Variants in PLEKHM1 observed in about 807,000 individuals in gnomAD.
The protein encoded by PLEKHM1 is pleckstrin homology domain-containing family M member 1.
PLEKHM1 carries 28 observed loss-of-function variants against 94.3 expected under a neutral mutation model. The observed-to-expected ratio is 0.30, with a 90% confidence interval of 0.22 to 0.41. The LOEUF is 0.41. Ranked by LOEUF, PLEKHM1 falls within the 10% of genes least tolerant of loss-of-function variation. The pLI is 1.00. For synonymous variants in PLEKHM1, 424 were observed against 581.2 expected, an observed-to-expected ratio of 0.73 and a Z score of 3.89; for missense variants, 907 against 1,358.6, an observed-to-expected ratio of 0.67 and a Z score of 5.22.
At chr17:45,472,764 C>T (rs1187826869) in intron 4 of PLEKHM1, among the ~76,000 whole-genome samples, 2 of 152,212 alleles carry the variant, frequency 1.3e-5, no homozygotes, top group East Asian at 3.8e-4. Context: ...CCTTCCTGGG[C>T]TTGTAAGTGG....
At chr17:45,435,880 GA>G (rs1400701302), downstream of PLEKHM1, 12 of 443,612 alleles carry the variant, frequency 2.7e-5, 1 homozygote, top group Admixed American at 2.6e-4. Context: ...GGCAGTGTTA[GA>G]ATTCAGAAGC....
At chr17:45,440,060 T>C (rs774798216) in intron 10 of PLEKHM1, 103 bp downstream of exon 10, 8 of 1,116,150 alleles carry the variant, frequency 7.2e-6, no homozygotes, top group Non-Finnish European at 1.1e-5. Flanking sequence ...ACTGCTGTCT[T>C]CTTCAGTAAA....
At chr17:45,482,634 A>G (rs1408833199) in intron 1 of PLEKHM1, 109 bp from the exon 2 acceptor site, 1 of 710,444 alleles carries the variant, frequency 1.4e-6, no homozygotes, top group Non-Finnish European at 2.6e-6. Context: ...AACTGCAACC[A>G]AAAAGGCCTT....
intron 5 of PLEKHM1, among the ~76,000 whole-genome samples, chr17:45,461,583 GTTA>G (rs2051153289): frequency 6.6e-6 from 1 of 152,254 alleles, no homozygotes; most frequent in African/African-American, 2.4e-5. Flanking sequence ...AGGAAGGGGT[GTTA>G]TTATTTTGCA....
At chr17:45,466,642 T>C (rs971807633) in intron 5 of PLEKHM1, among the ~76,000 whole-genome samples, 2 of 151,900 alleles carry the variant, frequency 1.3e-5, no homozygotes, top group Non-Finnish European at 2.9e-5. Context: ...AATAAGCAAA[T>C]GAAAAGGTAT....
chr17:45,476,632 A>G (rs1191594020), intron 3 of PLEKHM1, among the ~76,000 whole-genome samples: 1 of 152,176 alleles, frequency 6.6e-6, no homozygotes, highest in Non-Finnish European at 1.5e-5. Context: ...ATCAGTCTCC[A>G]GGCTAGCATC....
At chr17:45,449,641 C>T (rs1597929528) in intron 8 of PLEKHM1, among the ~76,000 whole-genome samples, 5 of 150,162 alleles carry the variant, frequency 3.3e-5, no homozygotes, top group East Asian at 3.9e-4. Context: ...TACCTACCTA[C>T]CCATCCACCT....
Position 45,453,292 on chromosome 17 carries a change from A to G in PLEKHM1, c.2497+63T>C, listed in dbSNP as rs1343623565. On this transcript the variant is annotated intron_variant, in intron 7 of 11. Transcript: ENST00000430334. This position sits in a 1 kb window ranked among gnomAD's most constrained non-coding sequence, Gnocchi z 4.1. ...GGCAGAAGGGTGGGGAGCCTAAATC[A>G]GGAACCAGCAGGAGGTGGAGTGAGG... is the stretch of plus-strand genomic sequence containing the variant. 1 of 1,558,464 alleles carries G rather than the reference A, an allele frequency of 6.4e-7. No homozygotes were observed. The highest frequency in any genetic ancestry group is 8.7e-7 in the Non-Finnish European group (1 of 1,146,186).
intron 1 of PLEKHM1, among the ~76,000 whole-genome samples, chr17:45,486,875 T>C (rs1314004467): frequency 6.6e-6 from 1 of 152,150 alleles, no homozygotes; most frequent in African/African-American, 2.4e-5. Context: ...ACGGCGGGAA[T>C]CAGAAGGAGG....
chr17:45,465,516 C>CA, intron 5 of PLEKHM1, among the ~76,000 whole-genome samples: 1 of 151,882 alleles, frequency 6.6e-6, no homozygotes, highest in South Asian at 2.1e-4. Flanking sequence ...TGAGACCAGC[C>CA]TGGTCAACAT....
At chr17:45,452,950 A>T (rs2050815322) in intron 7 of PLEKHM1, 1 of 347,500 alleles carries the variant, frequency 2.9e-6, no homozygotes, top group Non-Finnish European at 5.5e-6. Flanking sequence ...GCACGAGCCC[A>T]TTTTTATAAT....
intron 4 of PLEKHM1, among the ~76,000 whole-genome samples, chr17:45,473,335 T>C (rs1396164132): frequency 6.6e-6 from 1 of 151,870 alleles, no homozygotes; most frequent in Non-Finnish European, 1.5e-5. Context: ...ACGCCTGTAA[T>C]CCCCAGCAAT....
At position 45,437,418 on chromosome 17, in the gene PLEKHM1, G is replaced by C. The variant is rs1481796157; in HGVS notation, c.*440C>G. 8.8e-6 allele frequency: 4 copies of C among 455,508 alleles called. No individual in the cohort carries two copies. The highest frequency in any genetic ancestry group is 7.0e-5 in the Admixed American group (3 of 42,612). 28.2% of individuals were successfully genotyped at this position (455,508 alleles called of 1,614,324 possible). ...TGGATTTCATGGGTGACTCACGTAG[G>C]GTCAAGAATAAAAAAATACTTTCTG... is the stretch of plus-strand genomic sequence containing the variant. On this transcript the variant is annotated 3_prime_UTR_variant, in exon 12 of 12. Transcript: ENST00000430334. This position sits in a 1 kb window ranked among gnomAD's most constrained non-coding sequence, Gnocchi z 4.0.
Position 45,437,563 on chromosome 17 carries a change from C to G in PLEKHM1, c.*295G>C, listed in dbSNP as rs1167726523. 1.6e-6 allele frequency: 1 copy of G among 629,118 alleles called. No individual in the cohort carries two copies. The highest frequency in any genetic ancestry group is 2.1e-5 in the Admixed American group (1 of 47,766). 39.0% of individuals were successfully genotyped at this position (629,118 alleles called of 1,614,324 possible). On this transcript the variant is annotated 3_prime_UTR_variant, in exon 12 of 12. Coordinates refer to ENST00000430334, the MANE Select transcript of PLEKHM1 (RefSeq NM_014798.3). The surrounding 1 kb of genome is among the most constrained non-coding windows in gnomAD (Gnocchi z 4.0). ...TGTTTGGGCAGCCCTAACGGAGGCG[C>G]CGGGACGCTGGTGAGCCAGGGCCTG... is the stretch of plus-strand genomic sequence containing the variant.
chr17:45,450,837 A>C, intron 7 of PLEKHM1, 74 bp from the exon 8 acceptor site: 1 of 899,540 alleles, frequency 1.1e-6, no homozygotes, highest in Non-Finnish European at 1.8e-6. Context: ...CTGTGGTGGA[A>C]AGGATCTGCT....
chr17:45,448,718 C>T (rs1021488706), intron 8 of PLEKHM1, among the ~76,000 whole-genome samples: 1 of 152,086 alleles, frequency 6.6e-6, no homozygotes, highest in Non-Finnish European at 1.5e-5. Flanking sequence ...TGTTGTTAAC[C>T]CTCCTTTTAC....
intron 11 of PLEKHM1, among the ~76,000 whole-genome samples, chr17:45,438,552 T>G (rs1479747232): frequency 6.6e-6 from 1 of 151,512 alleles, no homozygotes; most frequent in Non-Finnish European, 1.5e-5. Flanking sequence ...AAAAAATTTT[T>G]TTTACTTACT....
At chr17:45,488,728 C>T (rs1157614931) in intron 1 of PLEKHM1, among the ~76,000 whole-genome samples, 1 of 151,916 alleles carries the variant, frequency 6.6e-6, no homozygotes, top group Non-Finnish European at 1.5e-5. Context: ...CACCTGAGGT[C>T]GGGAGTTGGA....
rs1567759341 is a variant in PLEKHM1 at position 45,439,621 on chromosome 17, A to G, written c.2915T>C (p.Val972Ala). 6.2e-7 allele frequency: 1 copy of G among 1,613,528 alleles called. No homozygotes were observed. Among genetic ancestry groups the G allele is most frequent in the Non-Finnish European group, 8.5e-7 (1 of 1,179,886 alleles). Residue 972 changes from valine to alanine, a missense_variant, in exon 11 of 12, where the codon GTG becomes GCG. This residue lies in a region of PLEKHM1 where 254 missense variants were observed against 451.1 expected (regional missense o/e 0.56). Transcript: ENST00000430334. ...VADLQQIADG[V>A]YEGFLKALIE... ...CAGGGCCTTGAGGAATCCTTCATACACCCCGTCTGCGATCTGCGGAGGGCA... is the reference window on the plus strand; with the variant it reads ...CAGGGCCTTGAGGAATCCTTCATACGCCCCGTCTGCGATCTGCGGAGGGCA...
Sources: gnomAD v4.1 joint callset for allele counts (sites outside exome capture counted in the v4.1 genomes callset) on GRCh38, gnomAD v4.1.1 for gene constraint, gnomAD v4.1.1 regional missense constraint, Gnocchi (gnomAD v3.1) non-coding constraint, MANE v1.5 for transcripts, NCBI Gene and HGNC (gene_info 2026-07-23, HGNC 2026-07-21) for gene names.